The following PATJ variants were observed in gnomAD, a reference collection of about 807,000 sequenced individuals.
The protein encoded by PATJ is inaD-like protein.
PATJ carries 190 observed loss-of-function variants against 224.9 expected under a neutral mutation model. The ratio of observed to expected loss-of-function variants is 0.84; its 90% CI spans 0.75 to 0.95. PATJ has a LOEUF of 0.95. Among genes scored for constraint, PATJ ranks in the 40% least tolerant of loss-of-function variants. The pLI is 0.00. For synonymous variants in PATJ, 769 were observed against 820.3 expected, an observed-to-expected ratio of 0.94 and a Z score of 1.07; for missense variants, 2,121 against 2,270.3, an observed-to-expected ratio of 0.93 and a Z score of 1.34.
rs1229837123 is a variant in PATJ at position 62,106,079 on chromosome 1, TACACACACAC to T, written c.4378-2326_4378-2317del. ...AAAAAAAAAAATATATATATATATA[TACACACACAC>T]ACACACACACACACACACACACACA... is the stretch of plus-strand genomic sequence containing the variant. On this transcript the variant is annotated intron_variant, in intron 33 of 43. Coordinates refer to ENST00000642238, the MANE Select transcript of PATJ (RefSeq NM_001350145.3). 2.2e-3 allele frequency among the ~76,000 whole-genome samples: 45 copies of T among 20,766 alleles called. 1 individual carries two copies. The East Asian group carries it at 0.054, about 25-fold the overall frequency. 13.6% of individuals were successfully genotyped at this position (20,766 alleles called of 152,430 possible).
At chr1:61,771,186 A>C (rs949584935) in intron 5 of PATJ, among the ~76,000 whole-genome samples, 14 of 151,924 alleles carry the variant, frequency 9.2e-5, no homozygotes, top group African/African-American at 3.1e-4. Flanking sequence ...GTTTTTGTTT[A>C]TTTTTCTAGG....
intron 7 of PATJ, among the ~76,000 whole-genome samples, chr1:61,781,105 G>C (rs1647245392): frequency 6.6e-6 from 1 of 152,162 alleles, no homozygotes; most frequent in Non-Finnish European, 1.5e-5. Flanking sequence ...CAGCAGCTAG[G>C]TGAGCCACAA....
At chr1:61,745,167 CCT>C (rs1392515416) in intron 1 of PATJ, among the ~76,000 whole-genome samples, 1 of 152,150 alleles carries the variant, frequency 6.6e-6, no homozygotes, top group East Asian at 1.9e-4. Context: ...TTTTTCTTGG[CCT>C]CTCTCTGTAG....
chr1:62,039,298 A>C (rs551157792), intron 30 of PATJ, among the ~76,000 whole-genome samples: 5 of 152,218 alleles, frequency 3.3e-5, no homozygotes, highest in Non-Finnish European at 7.3e-5. Flanking sequence ...TATTAGTAAG[A>C]AAGGATCATG....
chr1:61,750,309 T>G (rs1645248637), intron 1 of PATJ, among the ~76,000 whole-genome samples: 1 of 152,314 alleles, frequency 6.6e-6, no homozygotes, highest in South Asian at 2.1e-4. Flanking sequence ...GTCTGTGGGC[T>G]TTCAGGGACA....
chr1:61,854,889 C>A (rs1278873304), intron 17 of PATJ, among the ~76,000 whole-genome samples: 3 of 152,156 alleles, frequency 2.0e-5, no homozygotes, highest in African/African-American at 7.2e-5. Context: ...ATATGGGGCT[C>A]TCCCAACGGG....
At chr1:61,801,828 G>A in intron 12 of PATJ, 59 bp downstream of exon 12, 4 of 1,229,986 alleles carry the variant, frequency 3.3e-6, no homozygotes, top group Admixed American at 2.5e-5. Flanking sequence ...ACCATTTTCT[G>A]TCTTTATAGT....
chr1:61,762,727 G>C, intron 1 of PATJ, 131 bp from the exon 2 acceptor site: 1 of 477,098 alleles, frequency 2.1e-6, no homozygotes, highest in South Asian at 4.1e-5. Context: ...CCTCATTGTG[G>C]TTATAATTTT....
rs923806076 is a variant in PATJ, at chr1:61,856,156, A to G, written c.2239A>G (p.Asn747Asp). The G allele has an allele frequency of 6.2e-7, 1 of 1,614,206 alleles. No homozygotes were observed. The highest frequency in any genetic ancestry group is 8.5e-7 in the Non-Finnish European group (1 of 1,180,006). Residue 747 changes from asparagine (N) to aspartate (D), a missense_variant, in exon 18 of 44, where the codon AAC becomes GAC. Transcript: ENST00000642238. ...CTCAGTCAATGAATACTGTTTGGAC[A>G]ACACCTCACTTGCTGAAGCTGTGGA... ...LVSVNEYCLD[N>D]TSLAEAVEIL... is the part of the protein sequence containing the mutation.
intron 30 of PATJ, among the ~76,000 whole-genome samples, chr1:62,044,115 G>A (rs1407413150): frequency 1.3e-5 from 2 of 152,202 alleles, no homozygotes; most frequent in Non-Finnish European, 2.9e-5. Context: ...TTTTTGTGGT[G>A]AGAACAGTTG....
intron 27 of PATJ, among the ~76,000 whole-genome samples, chr1:61,968,487 A>G (rs892927469): frequency 1.9e-4 from 29 of 152,224 alleles, no homozygotes; most frequent in African/African-American, 6.5e-4. Context: ...GTAGTGTTAA[A>G]TATATTTAGA....
At chr1:61,766,954 G>A (rs1051007913) in intron 4 of PATJ, among the ~76,000 whole-genome samples, 15 of 152,200 alleles carry the variant, frequency 9.9e-5, no homozygotes, top group Middle Eastern at 6.8e-3. Flanking sequence ...TTAGCCGGGC[G>A]TGGTGGCAGG....
At chr1:62,005,318 C>T (rs1410334270) in intron 28 of PATJ, among the ~76,000 whole-genome samples, 1 of 151,794 alleles carries the variant, frequency 6.6e-6, no homozygotes, top group East Asian at 1.9e-4. Flanking sequence ...CCTTGGCTTC[C>T]CAAAGTGCTA....
rs185949411 is a variant in PATJ, at chr1:61,960,611, C to G, written c.3671-29557C>G. On this transcript the variant is annotated intron_variant, in intron 27 of 43. Coordinates refer to ENST00000642238, the MANE Select transcript of PATJ (RefSeq NM_001350145.3). ...CCAGGAGGCAGACGTTGCAGTGAGCCGAGATCATGCCATTGTACTCCAGCC... is the reference window on the plus strand; with the variant it reads ...CCAGGAGGCAGACGTTGCAGTGAGCGGAGATCATGCCATTGTACTCCAGCC... 2.5e-3 allele frequency among the ~76,000 whole-genome samples: 374 copies of G among 150,078 alleles called. 1 individual carries two copies. The highest frequency in any genetic ancestry group is 8.6e-3 in the African/African-American group (352 of 40,724).
At chr1:62,023,247 G>C (rs927495176) in intron 29 of PATJ, among the ~76,000 whole-genome samples, 1 of 148,216 alleles carries the variant, frequency 6.7e-6, no homozygotes, top group Non-Finnish European at 1.5e-5. Context: ...CCGAGATCGC[G>C]CCATTGCACT....
At chr1:61,880,605 A>G (rs1184204999) in intron 21 of PATJ, among the ~76,000 whole-genome samples, 1 of 152,224 alleles carries the variant, frequency 6.6e-6, no homozygotes. Context: ...ATAGATGTCC[A>G]CAATCTTGAT....
intron 1 of PATJ, among the ~76,000 whole-genome samples, chr1:61,761,300 T>C (rs1570317354): frequency 6.6e-6 from 1 of 152,074 alleles, no homozygotes; most frequent in Admixed American, 6.6e-5. Flanking sequence ...GATAAGTATA[T>C]ACATCTGTGT....
intron 28 of PATJ, chr1:61,991,742 T>TA: frequency 1.0e-6 from 1 of 984,158 alleles, no homozygotes; most frequent in Non-Finnish European, 1.2e-6. Context: ...AATCATTACA[T>TA]AAATAAAGTC....
chr1:61,901,377 A>C lies in PATJ; in HGVS notation c.3299A>C (p.Lys1100Thr). ...CGTCTAAAGAATGGAGAGGAGCTTA[A>C]AGGTATATTCATCAAACAAGTTTTA... ...IKRLKNGEEL[K>T]GIFIKQVLED... The change falls in exon 24 of 44, where the codon AAA (lysine) becomes ACA (threonine). Residue 1100 changes from lysine to threonine, a missense_variant. Transcript: ENST00000642238. The C allele has an allele frequency of 2.5e-6, 4 of 1,588,252 alleles. No individual in the cohort carries two copies. Among genetic ancestry groups the C allele is most frequent in the Non-Finnish European group, 3.4e-6 (4 of 1,171,000 alleles).
Sources: gnomAD v4.1 joint callset for allele counts (sites outside exome capture counted in the v4.1 genomes callset) on GRCh38, gnomAD v4.1.1 for gene constraint, MANE v1.5 for transcripts, NCBI Gene and HGNC (gene_info 2026-07-23, HGNC 2026-07-21) for gene names.